Variants in NSG1 observed in about 807,000 individuals in gnomAD.
NSG1 encodes the protein neuronal vesicle trafficking-associated protein 1.
Under a neutral mutation model 19.3 loss-of-function variants are expected in NSG1, and 9 were observed. The ratio of observed to expected loss-of-function variants is 0.47; its 90% CI spans 0.28 to 0.81. The LOEUF (loss-of-function observed/expected upper bound fraction) is 0.81, where lower values mean the gene tolerates loss of function less well. NSG1 is among the 40% of genes least tolerant of loss of function. The pLI is 0.11. For synonymous variants in NSG1, 104 were observed against 107.0 expected (o/e 0.97, Z 0.17); for missense variants, 236 against 242.4 (o/e 0.97, Z 0.18).
rs758687002 is a variant in NSG1, at chr4:4,417,329, A to C, written c.452A>C (p.Asn151Thr). Residue 151 changes from asparagine (N) to threonine (T), a missense_variant, in exon 5 of 5, where the codon AAC becomes ACC. Physicochemically the swap from Asn to Thr is moderately conservative, Grantham distance 65 (BLOSUM62 0). Coordinates refer to ENST00000621129, the MANE Select transcript of NSG1 (RefSeq NM_014392.5). Reference sequence around the variant, plus strand: ...TTTTACACAGTCATAAACCACTACAACCTGGCCAAGCAGAGCATCACGCGC... The same window carrying C: ...TTTTACACAGTCATAAACCACTACACCCTGGCCAAGCAGAGCATCACGCGC... Reference protein sequence around the residue: ...EKFYTVINHYNLAKQSITRSV... With the variant: ...EKFYTVINHYTLAKQSITRSV... The C allele has an allele frequency of 1.4e-5, 23 of 1,614,004 alleles. No individual in the cohort carries two copies. In the Admixed American group the frequency reaches 3.8e-4, roughly 27 times the overall value.
At chr4:4,407,823 G>A (rs1157446192) in intron 3 of NSG1, among the ~76,000 whole-genome samples, 1 of 152,162 alleles carries the variant, frequency 6.6e-6, no homozygotes, top group Admixed American at 6.5e-5. Context: ...CTTCCAAGGT[G>A]GTGAGGCTGG....
At chr4:4,400,321 A>T (rs568869127) in intron 3 of NSG1, among the ~76,000 whole-genome samples, 8 of 152,180 alleles carry the variant, frequency 5.3e-5, no homozygotes, top group South Asian at 2.1e-4. Flanking sequence ...GGATTTATAT[A>T]TCTCGTCTTA....
intron 3 of NSG1, among the ~76,000 whole-genome samples, chr4:4,401,584 C>A (rs1156541161): frequency 6.6e-6 from 1 of 152,142 alleles, no homozygotes. Context: ...GCAAAGTTAT[C>A]GGGGCTGGCT....
Position 4,417,887 on chromosome 4 carries a change from C to T in NSG1, c.*452C>T, listed in dbSNP as rs986056136. The T allele has an allele frequency of 8.1e-5, 20 of 246,222 alleles. No individual in the cohort carries two copies. The highest frequency in any genetic ancestry group is 2.3e-5 in the African/African-American group (1 of 42,948). 15.3% of individuals were successfully genotyped at this position (246,222 alleles called of 1,614,324 possible). A position where few individuals can be genotyped will look rare whatever the true frequency, so the allele number is the denominator to read the frequency against. Reference sequence around the variant, plus strand: ...TTCGCATTTCTTCCTCGGCCATCAGCGGGTAACAGTGCTGACTGCTGCCAA... The same window carrying T: ...TTCGCATTTCTTCCTCGGCCATCAGTGGGTAACAGTGCTGACTGCTGCCAA... On this transcript the variant is annotated 3_prime_UTR_variant, in exon 5 of 5. Transcript: ENST00000621129.
In NSG1 at chr4:4,391,576, C is replaced by T. The variant is rs1722996222; in HGVS notation, c.231C>T (p.Val77=). The T allele has an allele frequency of 1.1e-5, 18 of 1,610,128 alleles. No homozygotes were observed. The highest frequency in any genetic ancestry group is 1.5e-5 in the Non-Finnish European group (18 of 1,178,070). Residue 77 remains valine (V), a synonymous_variant, in exon 3 of 5, where the codon GTC becomes GTT. Transcript: ENST00000621129. ...AEFTVSITEG[V]TERFKVSVLV... is the part of the protein sequence containing the mutation. ...TCACCGTCAGCATCACGGAGGGTGTCACCGAGAGGTTTAAGGTGAGTGGTC... is the reference window on the plus strand; with the variant it reads ...TCACCGTCAGCATCACGGAGGGTGTTACCGAGAGGTTTAAGGTGAGTGGTC...
At chr4:4,407,899 C>T (rs560659005) in intron 3 of NSG1, among the ~76,000 whole-genome samples, 2 of 152,058 alleles carry the variant, frequency 1.3e-5, no homozygotes, top group South Asian at 2.1e-4. Context: ...GGGGCCTGAG[C>T]GGCTTGCAGG....
intron 1 of NSG1, 129 bp downstream of exon 1, chr4:4,387,302 G>A (rs1366359866): frequency 7.1e-6 from 2 of 282,796 alleles, no homozygotes. Flanking sequence ...CCCGGGTGCG[G>A]CGGCCCCAGG....
intron 4 of NSG1, chr4:4,415,770 G>A (rs1724496688): frequency 3.4e-6 from 1 of 291,088 alleles, no homozygotes; most frequent in Non-Finnish European, 6.6e-6. Flanking sequence ...ACTCTGCTGG[G>A]TGCCGAGGTG....
chr4:4,402,124 A>G (rs1193271610), intron 3 of NSG1, among the ~76,000 whole-genome samples: 6 of 149,620 alleles, frequency 4.0e-5, no homozygotes, highest in Non-Finnish European at 5.9e-5. Flanking sequence ...CCTGGGCTCA[A>G]GTGATCCTCT....
At chr4:4,397,150 T>C (rs1723297438) in intron 3 of NSG1, among the ~76,000 whole-genome samples, 1 of 150,720 alleles carries the variant, frequency 6.6e-6, no homozygotes, top group Non-Finnish European at 1.5e-5. Flanking sequence ...CCAAGTTTTT[T>C]CCTTTTTTTT....
chr4:4,417,503 T>A lies in NSG1; in HGVS notation c.*68T>A. On this transcript the variant is annotated 3_prime_UTR_variant, in exon 5 of 5. Transcript: ENST00000621129. Reference sequence around the variant, plus strand: ...AAAGGGACTTTGAGGGACATTTCATTAAATATAATTACTGATACTTTAGAG... The same window carrying A: ...AAAGGGACTTTGAGGGACATTTCATAAAATATAATTACTGATACTTTAGAG... The A allele has an allele frequency of 7.2e-7, 1 of 1,390,058 alleles. No homozygotes were observed. Among genetic ancestry groups the A allele is most frequent in the Non-Finnish European group, 1.0e-6 (1 of 982,270 alleles). The allele number at this position is 1,390,058 out of a possible 1,614,324, so 86.1% of individuals were successfully genotyped here.
chr4:4,417,610 A>G lies in NSG1; in HGVS notation c.*175A>G, dbSNP rs2108760482. ...CTTGCTGCCGACCACCCACGGGCATAAAATCAAGTGCATTTCAGCATTGCC... is the reference window on the plus strand; with the variant it reads ...CTTGCTGCCGACCACCCACGGGCATGAAATCAAGTGCATTTCAGCATTGCC... On this transcript the variant is annotated 3_prime_UTR_variant, in exon 5 of 5. Coordinates refer to ENST00000621129, the MANE Select transcript of NSG1 (RefSeq NM_014392.5). 1.6e-6 allele frequency: 1 copy of G among 629,930 alleles called. No homozygotes were observed. Among genetic ancestry groups the G allele is most frequent in the East Asian group, 2.8e-5 (1 of 36,088 alleles). 39.0% of individuals were successfully genotyped at this position (629,930 alleles called of 1,614,324 possible). A position where few individuals can be genotyped will look rare whatever the true frequency, so the allele number is the denominator to read the frequency against.
chr4:4,403,532 G>A (rs1560143879), intron 3 of NSG1, among the ~76,000 whole-genome samples: 1 of 152,184 alleles, frequency 6.6e-6, no homozygotes, highest in Non-Finnish European at 1.5e-5. Flanking sequence ...CCCCTGCTAG[G>A]AGGACACCTG....
At position 4,392,615 on chromosome 4, in the gene NSG1, G is replaced by T. The variant is rs148724441; in HGVS notation, c.246+1024G>T. On this transcript the variant is annotated intron_variant, in intron 3 of 4. Coordinates refer to ENST00000621129, the MANE Select transcript of NSG1 (RefSeq NM_014392.5). ...GTTAACAGATGAAGCCAAAACCACA[G>T]AGTGACTGGGGAAGCCAGGGCGTAA... 9.6e-3 allele frequency among the ~76,000 whole-genome samples: 1,465 copies of T among 152,328 alleles called. 21 individuals are homozygous for T. Among genetic ancestry groups the T allele is most frequent in the African/African-American group, 0.033 (1,372 of 41,572 alleles).
rs376114823 is a variant in NSG1 at position 4,418,686 on chromosome 4, T to A, written c.*1251T>A. The stretch of plus-strand genomic sequence containing the variant: ...TAGATCAGAAATAAACGACAAATAG[T>A]GTGAGATGTGTTGTGAACAGGCATG... On this transcript the variant is annotated 3_prime_UTR_variant, in exon 5 of 5. Transcript: ENST00000621129. The A allele has an allele frequency of 3.9e-5, 6 of 152,718 alleles. No individual in the cohort carries two copies. Among genetic ancestry groups the A allele is most frequent in the East Asian group, 3.9e-4 (2 of 5,178 alleles). 9.5% of individuals were successfully genotyped at this position (152,718 alleles called of 1,614,324 possible). A position where few individuals can be genotyped will look rare whatever the true frequency, so the allele number is the denominator to read the frequency against.
rs1480178817 is a variant in NSG1 at position 4,419,042 on chromosome 4, T to TAAAG, written c.*1610_*1613dup. On this transcript the variant is annotated 3_prime_UTR_variant, in exon 5 of 5. Transcript: ENST00000621129. The stretch of plus-strand genomic sequence containing the variant: ...CTTCTGACATTTCACTCTGTGCAAA[T>TAAAG]AAAGAACATGAGGATACCTGTGCTG... The TAAAG allele has an allele frequency of 6.6e-6, 1 of 152,228 alleles. No individual in the cohort carries two copies. The highest frequency in any genetic ancestry group is 1.5e-5 in the Non-Finnish European group (1 of 68,046). The allele number at this position is 152,228 out of a possible 1,614,324, so 9.4% of individuals were successfully genotyped here.
At position 4,409,137 on chromosome 4, in the gene NSG1, C is replaced by T. The variant is rs115074633; in HGVS notation, c.247-436C>T. Among the ~76,000 whole-genome samples the T allele has an allele frequency of 6.9e-3, 1,055 of 152,354 alleles. 7 individuals are homozygous for T. Among genetic ancestry groups the T allele is most frequent in the African/African-American group, 0.023 (936 of 41,594 alleles). On this transcript the variant is annotated intron_variant, in intron 3 of 4. Coordinates refer to ENST00000621129, the MANE Select transcript of NSG1 (RefSeq NM_014392.5). ...GTGTCCATGCGACACTGCGTCCCAGCACTGAGCCCAGGGCTCAGGACACAT... is the reference window on the plus strand; with the variant it reads ...GTGTCCATGCGACACTGCGTCCCAGTACTGAGCCCAGGGCTCAGGACACAT...
intron 1 of NSG1, among the ~76,000 whole-genome samples, 173 bp downstream of exon 1, chr4:4,387,346 G>T (rs1376428268): frequency 6.6e-6 from 1 of 152,176 alleles, no homozygotes; most frequent in Non-Finnish European, 1.5e-5. Flanking sequence ...CTGGGCAGGG[G>T]CGGCGCCCCC....
chr4:4,387,784 T>A, intron 2 of NSG1, 26 bp downstream of exon 2: 2 of 1,563,348 alleles, frequency 1.3e-6, no homozygotes, highest in South Asian at 1.1e-5. Flanking sequence ...CCCCTCCACG[T>A]TGCCGGGTGT....
Sources: gnomAD v4.1 joint callset for allele counts (sites outside exome capture counted in the v4.1 genomes callset) on GRCh38, gnomAD v4.1.1 for gene constraint, MANE v1.5 for transcripts, NCBI Gene and HGNC (gene_info 2026-07-23, HGNC 2026-07-21) for gene names.